Variants in CTNNA3 observed in about 807,000 individuals in gnomAD.
The protein encoded by CTNNA3 is catenin alpha-3.
CTNNA3 carries 76 observed loss-of-function variants against 95.7 expected under a neutral mutation model. The ratio of observed to expected loss-of-function variants is 0.79; its 90% CI spans 0.66 to 0.96. The LOEUF is 0.96. Among genes scored for constraint, CTNNA3 ranks in the 40% least tolerant of loss-of-function variants. The pLI is 0.00. For synonymous variants in CTNNA3, 431 were observed against 374.4 expected (o/e 1.15, Z -1.74); for missense variants, 1,191 against 1,089.8 (o/e 1.09, Z -1.31).
intron 5 of CTNNA3, among the ~76,000 whole-genome samples, chr10:67,360,941 A>G (rs1474903554): frequency 6.6e-6 from 1 of 152,084 alleles, no homozygotes; most frequent in Non-Finnish European, 1.5e-5. Flanking sequence ...CTATCACATA[A>G]ATGGAAAACA....
chr10:67,189,836 C>T (rs1206470329), intron 6 of CTNNA3, among the ~76,000 whole-genome samples: 1 of 152,048 alleles, frequency 6.6e-6, no homozygotes, highest in African/African-American at 2.4e-5. Flanking sequence ...ATACATATTT[C>T]ATTCATCTAT....
At chr10:66,015,965 T>A (rs889550193) in intron 15 of CTNNA3, among the ~76,000 whole-genome samples, 1 of 152,192 alleles carries the variant, frequency 6.6e-6, no homozygotes, top group Non-Finnish European at 1.5e-5. Flanking sequence ...TAAACCTCTA[T>A]GTGCTTTCAC....
chr10:65,950,815 A>G (rs2077597144), intron 17 of CTNNA3, among the ~76,000 whole-genome samples: 1 of 152,212 alleles, frequency 6.6e-6, no homozygotes, highest in African/African-American at 2.4e-5. Flanking sequence ...TACATTTAAC[A>G]GTAGAGACTC....
chr10:65,956,257 C>T (rs2077728810), intron 17 of CTNNA3, among the ~76,000 whole-genome samples: 2 of 152,062 alleles, frequency 1.3e-5, no homozygotes, highest in Admixed American at 6.6e-5. Flanking sequence ...TTTTTTATTG[C>T]ATCTATTTGA....
At chr10:66,100,321 T>C (rs535605053) in intron 14 of CTNNA3, among the ~76,000 whole-genome samples, 41 of 152,186 alleles carry the variant, frequency 2.7e-4, no homozygotes, top group Non-Finnish European at 4.3e-4. Context: ...TAAGGTTGTA[T>C]ATGTATTATC....
Position 67,539,563 on chromosome 10 carries a change from C to A in CTNNA3, c.399G>T (p.Thr133=). ...QAARALLAAV[T]RLLILADMID... ...TCATGTCCGCAAGGATAAGGAGTCTCGTCACCGCAGCCAGCAAGGCACGGG... is the reference window on the plus strand; with the variant it reads ...TCATGTCCGCAAGGATAAGGAGTCTAGTCACCGCAGCCAGCAAGGCACGGG... Residue 133 remains threonine (T), a synonymous_variant, in exon 4 of 18, where the codon ACG becomes ACT. Transcript: ENST00000433211. 6.2e-7 allele frequency: 1 copy of A among 1,613,842 alleles called. No homozygotes were observed.
At chr10:65,975,262 T>C (rs906840970) in intron 16 of CTNNA3, among the ~76,000 whole-genome samples, 3 of 152,070 alleles carry the variant, frequency 2.0e-5, no homozygotes, top group Non-Finnish European at 2.9e-5. Context: ...GACAAGAATA[T>C]AGAAATTAAG....
At chr10:66,002,162 A>G (rs2078783626) in intron 15 of CTNNA3, among the ~76,000 whole-genome samples, 1 of 152,222 alleles carries the variant, frequency 6.6e-6, no homozygotes, top group Admixed American at 6.5e-5. Flanking sequence ...AGTAGTTATC[A>G]TGGAAGCAAC....
At chr10:66,421,093 T>G (rs1322655558) in intron 11 of CTNNA3, among the ~76,000 whole-genome samples, 1 of 152,104 alleles carries the variant, frequency 6.6e-6, no homozygotes, top group Admixed American at 6.6e-5. Flanking sequence ...ATAAAAAGAA[T>G]GAGAGCCTGT....
chr10:66,039,740 C>T (rs181993835), intron 15 of CTNNA3, among the ~76,000 whole-genome samples: 2 of 151,984 alleles, frequency 1.3e-5, no homozygotes, highest in African/African-American at 4.8e-5. Flanking sequence ...CAAGATGGAT[C>T]AAAGACTTAA....
At chr10:66,663,290 C>T (rs919816718) in intron 9 of CTNNA3, among the ~76,000 whole-genome samples, 1 of 151,872 alleles carries the variant, frequency 6.6e-6, no homozygotes, top group Non-Finnish European at 1.5e-5. Context: ...CAGTCATGAC[C>T]ATCAACTCCC....
At chr10:66,104,472 G>A (rs973977799) in intron 13 of CTNNA3, among the ~76,000 whole-genome samples, 2 of 152,122 alleles carry the variant, frequency 1.3e-5, no homozygotes, top group Admixed American at 1.3e-4. Flanking sequence ...TAGCTTTGGG[G>A]ATACAAGTGG....
chr10:65,953,817 G>C (rs1361197125), intron 17 of CTNNA3, among the ~76,000 whole-genome samples: 1 of 152,070 alleles, frequency 6.6e-6, no homozygotes, highest in African/African-American at 2.4e-5. Flanking sequence ...CCAAGTCTTT[G>C]CTATTGTGAA....
At position 67,375,326 on chromosome 10, in the gene CTNNA3, C is replaced by T. The variant is rs144243099; in HGVS notation, c.579+146516G>A. 6.6e-5 allele frequency among the ~76,000 whole-genome samples: 10 copies of T among 152,264 alleles called. No individual in the cohort carries two copies. In the East Asian group the frequency reaches 1.9e-3, roughly 29 times the overall value. The stretch of plus-strand genomic sequence containing the variant: ...GATGCTCTTAAAAACCTGCAATGGG[C>T]CGGGTGCAGTGGCTCATGCCTGTAA... On this transcript the variant is annotated intron_variant, in intron 5 of 17. Transcript: ENST00000433211.
rs574064427 is a variant in CTNNA3 at position 67,233,113 on chromosome 10, G to A, written c.580-13243C>T. Among the ~76,000 whole-genome samples the A allele has an allele frequency of 3.6e-3, 553 of 152,252 alleles. 8 individuals carry two copies. The highest frequency in any genetic ancestry group is 0.013 in the African/African-American group (526 of 41,550). ...ATTAGACAGATCAATGAGACAGAAA[G>A]TCAACAAAGATATCCAGGAATTGAA... On this transcript the variant is annotated intron_variant, in intron 5 of 17. Transcript: ENST00000433211.
intron 9 of CTNNA3, among the ~76,000 whole-genome samples, chr10:66,754,560 T>C (rs1458377389): frequency 6.6e-6 from 1 of 151,770 alleles, no homozygotes; most frequent in African/African-American, 2.4e-5. Flanking sequence ...GAGAATACCA[T>C]CAAAAAAGGG....
intron 5 of CTNNA3, among the ~76,000 whole-genome samples, chr10:67,248,306 C>G (rs752672650): frequency 2.6e-5 from 4 of 152,106 alleles, no homozygotes; most frequent in Non-Finnish European, 4.4e-5. Flanking sequence ...TCACTGCACT[C>G]CAGCATAGGC....
In CTNNA3 at chr10:66,604,436, A is replaced by C. The variant is rs561173623; in HGVS notation, c.1374+17256T>G. On this transcript the variant is annotated intron_variant, in intron 10 of 17. Transcript: ENST00000433211. ...CTGACACCCATTAGCACCCTGCTGCAGCCGATGAGCGTGCACCCTGCCATG... is the reference window on the plus strand; with the variant it reads ...CTGACACCCATTAGCACCCTGCTGCCGCCGATGAGCGTGCACCCTGCCATG... 2.6e-5 allele frequency among the ~76,000 whole-genome samples: 4 copies of C among 152,240 alleles called. No homozygotes were observed. In the South Asian group the frequency reaches 8.3e-4, roughly 32 times the overall value.
chr10:67,617,587 G>A (rs1316437298), intron 2 of CTNNA3, among the ~76,000 whole-genome samples: 1 of 152,072 alleles, frequency 6.6e-6, no homozygotes, highest in African/African-American at 2.4e-5. Context: ...TGTCTTTATG[G>A]TAGAATGATT....
Sources: gnomAD v4.1 joint callset for allele counts (sites outside exome capture counted in the v4.1 genomes callset) on GRCh38, gnomAD v4.1.1 for gene constraint, MANE v1.5 for transcripts, NCBI Gene and HGNC (gene_info 2026-07-23, HGNC 2026-07-21) for gene names.